The following LRBA variants were observed in gnomAD, a reference collection of about 807,000 sequenced individuals.
The protein encoded by LRBA is LPS responsive beige-like anchor protein, also known as lipopolysaccharide-responsive and beige-like anchor protein.
A neutral mutation model predicts 330.0 loss-of-function variants in LRBA; 176 were observed. That is an observed-to-expected ratio of 0.53 (90% CI 0.47 to 0.60). The LOEUF (loss-of-function observed/expected upper bound fraction) is 0.60, where lower values mean the gene tolerates loss of function less well. Among genes scored for constraint, LRBA ranks in the 20% least tolerant of loss-of-function variants. The pLI is 0.00. For missense variants in LRBA, 3,259 were observed against 3,444.8 expected, an observed-to-expected ratio of 0.95 and a Z score of 1.35; for synonymous variants, 1,230 against 1,193.0, an observed-to-expected ratio of 1.03 and a Z score of -0.64.
chr4:150,828,620 T>A lies in LRBA; in HGVS notation c.4731A>T (p.Glu1577Asp), dbSNP rs1488301716. Reference sequence around the variant, plus strand: ...AAGTGCTGAATGCTGCTGGTGTGATTTCTATATCATACCCAGAAACACAAG... The same window carrying A: ...AAGTGCTGAATGCTGCTGGTGTGATATCTATATCATACCCAGAAACACAAG... ...GSENENVSLS[E>D]ITPAAFSTLT... The change falls in exon 30 of 57, where the codon GAA becomes GAT. Residue 1577 changes from glutamate (E) to aspartate (D), a missense_variant and splice_region_variant. Glu to Asp is a conservative substitution (Grantham distance 45, BLOSUM62 2). Transcript: ENST00000651943. The A allele has an allele frequency of 6.2e-7, 1 of 1,608,866 alleles. No homozygotes were observed. Among genetic ancestry groups the A allele is most frequent in the South Asian group, 1.1e-5 (1 of 90,480 alleles).
chr4:150,908,575 G>A lies in LRBA; in HGVS notation c.1359+85C>T, dbSNP rs997296137. ...AAACACTATAAACGTGACATTCCAT[G>A]TGTTTAACAGAAGCTACCAAATACA... On this transcript the variant is annotated intron_variant, in intron 10 of 56. Coordinates refer to ENST00000651943, the MANE Select transcript of LRBA (RefSeq NM_001364905.1). 7 of 1,428,454 alleles carry A rather than the reference G, an allele frequency of 4.9e-6. No homozygotes were observed. In the Admixed American group the frequency reaches 1.2e-4, roughly 25 times the overall value. 88.5% of individuals were successfully genotyped at this position (1,428,454 alleles called of 1,614,324 possible). A position where few individuals can be genotyped will look rare whatever the true frequency, so the allele number is the denominator to read the frequency against.
intron 2 of LRBA, among the ~76,000 whole-genome samples, chr4:151,006,296 A>T (rs1337494004): frequency 6.6e-6 from 1 of 152,228 alleles, no homozygotes; most frequent in African/African-American, 2.4e-5. Context: ...ACTACACTGC[A>T]GTATGGGTGA....
intron 35 of LRBA, among the ~76,000 whole-genome samples, chr4:150,760,043 T>C (rs1734861429): frequency 6.6e-6 from 1 of 152,192 alleles, no homozygotes; most frequent in Non-Finnish European, 1.5e-5. Flanking sequence ...TATACTTCAA[T>C]AAACACTAAA....
intron 36 of LRBA, among the ~76,000 whole-genome samples, chr4:150,710,713 A>G (rs1457720358): frequency 1.3e-5 from 2 of 152,116 alleles, no homozygotes; most frequent in East Asian, 3.9e-4. Flanking sequence ...CTTACATGTG[A>G]ATTACTTTGA....
chr4:150,619,324 C>CT (rs1313757013), intron 37 of LRBA, among the ~76,000 whole-genome samples: 3 of 152,026 alleles, frequency 2.0e-5, no homozygotes. Context: ...GCTGATGTGG[C>CT]TTTTTTTCCC....
At chr4:150,279,262 G>A (rs1747204681) in intron 55 of LRBA, among the ~76,000 whole-genome samples, 1 of 152,160 alleles carries the variant, frequency 6.6e-6, no homozygotes, top group Non-Finnish European at 1.5e-5. Context: ...GAAAAAGTGT[G>A]ATTACTCCTA....
At chr4:150,414,772 C>T (rs62348574) in intron 47 of LRBA, among the ~76,000 whole-genome samples, 34,486 of 152,010 alleles carry the variant, frequency 0.23, 4,548 homozygotes, top group Non-Finnish European at 0.31. Flanking sequence ...ATTACAGGTG[C>T]GAGCCACCGC....
chr4:150,321,098 T>C lies in LRBA; in HGVS notation c.7630+93A>G. ...TTGATTCAGACTAATGCTTGAAAAT[T>C]AAAAGCTTAAATGTTGAGATATGCT... On this transcript the variant is annotated intron_variant, in intron 50 of 56. Coordinates refer to ENST00000651943, the MANE Select transcript of LRBA (RefSeq NM_001364905.1). The surrounding 1 kb of genome is among the most constrained non-coding windows in gnomAD (Gnocchi z 4.5). 1 of 1,207,336 alleles carries C rather than the reference T, an allele frequency of 8.3e-7. No homozygotes were observed. The allele number at this position is 1,207,336 out of a possible 1,614,324, so 74.8% of individuals were successfully genotyped here.
chr4:150,489,650 TATA>T (rs1241153554), intron 41 of LRBA, among the ~76,000 whole-genome samples: 28 of 121,004 alleles, frequency 2.3e-4, no homozygotes, highest in Non-Finnish European at 3.4e-4. Flanking sequence ...ATATATAATA[TATA>T]ATATTATATA....
At chr4:150,293,284 G>C (rs1728560223) in intron 53 of LRBA, among the ~76,000 whole-genome samples, 1 of 152,148 alleles carries the variant, frequency 6.6e-6, no homozygotes. Flanking sequence ...AAATGGCTTT[G>C]CTAAAGCGGA....
At chr4:150,984,283 C>T (rs1450814224) in intron 2 of LRBA, among the ~76,000 whole-genome samples, 9 of 151,856 alleles carry the variant, frequency 5.9e-5, no homozygotes, top group Non-Finnish European at 8.8e-5. Context: ...GAGGCCAAGG[C>T]GGGCGGATCA....
intron 44 of LRBA, among the ~76,000 whole-genome samples, chr4:150,445,377 CTATATATATATATATATATA>C (rs10552819): frequency 1.3e-5 from 1 of 78,606 alleles, no homozygotes; most frequent in Non-Finnish European, 2.5e-5. Context: ...CTCTCTCTCT[CTATATATATATATATATATA>C]TATATATATA....
intron 29 of LRBA, among the ~76,000 whole-genome samples, chr4:150,831,379 G>A (rs779504175): frequency 5.9e-5 from 9 of 151,888 alleles, no homozygotes; most frequent in Admixed American, 2.6e-4. Flanking sequence ...AATGAATATC[G>A]AGTGAATAAT....
At chr4:150,318,457 A>G (rs1257820624) in intron 50 of LRBA, among the ~76,000 whole-genome samples, 1 of 152,184 alleles carries the variant, frequency 6.6e-6, no homozygotes, top group Non-Finnish European at 1.5e-5. Context: ...TAAAAAAATA[A>G]ATATTGTAAT....
intron 34 of LRBA, among the ~76,000 whole-genome samples, chr4:150,766,445 C>A (rs983216101): frequency 3.9e-5 from 6 of 152,058 alleles, no homozygotes; most frequent in African/African-American, 1.4e-4. Context: ...TCAAAGCCAA[C>A]AAGTTTTCTC....
chr4:150,615,047 C>T (rs1775633597), intron 37 of LRBA, among the ~76,000 whole-genome samples: 2 of 152,166 alleles, frequency 1.3e-5, no homozygotes, highest in Admixed American at 1.3e-4. Context: ...TGAGCAAAGA[C>T]TTGAAGGAGG....
intron 47 of LRBA, among the ~76,000 whole-genome samples, chr4:150,356,788 T>C (rs1042073217): frequency 5.9e-5 from 9 of 151,966 alleles, no homozygotes; most frequent in Non-Finnish European, 1.0e-4. Context: ...TTCCTCCACA[T>C]TGATTATATA....
chr4:150,658,521 C>G (rs1295395373), intron 37 of LRBA, among the ~76,000 whole-genome samples: 137 of 270 alleles, frequency 0.51, 5 homozygotes, highest in African/African-American at 0.5. Flanking sequence ...CTCTCCCTCT[C>G]CCTCTCCCTC....
At chr4:150,842,326 G>A (rs1749212550) in intron 28 of LRBA, among the ~76,000 whole-genome samples, 1 of 152,108 alleles carries the variant, frequency 6.6e-6, no homozygotes. Context: ...GGGTCTTGCT[G>A]TGTCACACAG....
Sources: gnomAD v4.1 joint callset for allele counts (sites outside exome capture counted in the v4.1 genomes callset) on GRCh38, gnomAD v4.1.1 for gene constraint, Gnocchi (gnomAD v3.1) non-coding constraint, MANE v1.5 for transcripts, NCBI Gene and HGNC (gene_info 2026-07-23, HGNC 2026-07-21) for gene names.